ICA1L: variants seen among roughly 807,000 people sequenced by gnomAD.
ICA1L encodes islet cell autoantigen 1-like protein.
In ICA1L, 50 loss-of-function variants were observed where a neutral mutation model predicts 61.3. That is an observed-to-expected ratio of 0.82 (90% CI 0.65 to 1.03). The LOEUF (loss-of-function observed/expected upper bound fraction) is 1.03, where lower values mean the gene tolerates loss of function less well. Ranked by LOEUF, ICA1L falls within the 50% of genes least tolerant of loss-of-function variation. ICA1L has a pLI of 0.00. For synonymous variants in ICA1L, 161 were observed against 191.3 expected, an observed-to-expected ratio of 0.84 and a Z score of 1.31; for missense variants, 508 against 556.7, an observed-to-expected ratio of 0.91 and a Z score of 0.88.
At chr2:202,796,711 C>T (rs997189422) in intron 10 of ICA1L, among the ~76,000 whole-genome samples, 179 bp downstream of exon 10, 5 of 152,110 alleles carry the variant, frequency 3.3e-5, no homozygotes, top group Non-Finnish European at 5.9e-5. Flanking sequence ...TCTGATAGGA[C>T]CCAAACATAT....
intron 2 of ICA1L, among the ~76,000 whole-genome samples, chr2:202,826,484 T>A (rs1345666725): frequency 6.6e-6 from 1 of 152,172 alleles, no homozygotes; most frequent in Non-Finnish European, 1.5e-5. Flanking sequence ...ATGAGGACTT[T>A]TTTTTGAGAT....
chr2:202,835,214 CCTTT>C (rs978560977), intron 1 of ICA1L, among the ~76,000 whole-genome samples: 5 of 127,180 alleles, frequency 3.9e-5, no homozygotes, highest in African/African-American at 8.3e-5. Context: ...TTGATTTCTT[CCTTT>C]TTTTTTTTTT....
At chr2:202,801,580 A>G (rs1260296911) in intron 9 of ICA1L, among the ~76,000 whole-genome samples, 1 of 152,230 alleles carries the variant, frequency 6.6e-6, no homozygotes, top group Admixed American at 6.5e-5. Context: ...AAATCTATAA[A>G]ATACACTTTT....
At chr2:202,789,504 T>A (rs1192593494) in intron 10 of ICA1L, among the ~76,000 whole-genome samples, 2 of 152,132 alleles carry the variant, frequency 1.3e-5, no homozygotes, top group Non-Finnish European at 2.9e-5. Context: ...ACCCTGGTAA[T>A]AGAAACATTC....
At chr2:202,797,112 C>A in intron 9 of ICA1L, 148 bp from the exon 10 acceptor site, 1 of 453,020 alleles carries the variant, frequency 2.2e-6, no homozygotes. Flanking sequence ...TTTAAATAAT[C>A]TTATATATAA....
intron 1 of ICA1L, among the ~76,000 whole-genome samples, chr2:202,837,447 C>G (rs1010544649): frequency 1.3e-5 from 2 of 151,650 alleles, no homozygotes; most frequent in Non-Finnish European, 2.9e-5. Context: ...CCACACCCAG[C>G]TAATTTTTTG....
At chr2:202,802,968 A>ATT (rs2105835738) in intron 9 of ICA1L, among the ~76,000 whole-genome samples, 1 of 152,314 alleles carries the variant, frequency 6.6e-6, no homozygotes, top group African/African-American at 2.4e-5. Flanking sequence ...GACAAAACAA[A>ATT]TGGAAAACAG....
At chr2:202,781,856 C>G (rs948600494) in intron 12 of ICA1L, among the ~76,000 whole-genome samples, 2 of 152,100 alleles carry the variant, frequency 1.3e-5, no homozygotes, top group Non-Finnish European at 2.9e-5. Flanking sequence ...AGTGGTATTA[C>G]CAATTTACAC....
chr2:202,866,442 A>T (rs755869315), intron 1 of ICA1L, among the ~76,000 whole-genome samples: 47 of 152,288 alleles, frequency 3.1e-4, no homozygotes, highest in Admixed American at 9.8e-4. Context: ...TTTCTTTATA[A>T]ATTACGCAGT....
intron 10 of ICA1L, among the ~76,000 whole-genome samples, chr2:202,789,388 A>G (rs1042391152): frequency 6.6e-6 from 1 of 152,238 alleles, no homozygotes; most frequent in Non-Finnish European, 1.5e-5. Context: ...AATTAATAAT[A>G]CGAGACTTTA....
At chr2:202,807,621 T>C (rs1221702656) in intron 9 of ICA1L, among the ~76,000 whole-genome samples, 2 of 152,034 alleles carry the variant, frequency 1.3e-5, no homozygotes, top group Non-Finnish European at 2.9e-5. Context: ...TGTGACCTAG[T>C]GAGATACCAG....
chr2:202,819,054 A>C (rs182616906), intron 5 of ICA1L, among the ~76,000 whole-genome samples: 14 of 152,348 alleles, frequency 9.2e-5, no homozygotes, highest in African/African-American at 3.4e-4. Flanking sequence ...CACCTACTTC[A>C]TAGGGCTGTT....
chr2:202,818,439 C>A (rs1037609276), intron 5 of ICA1L, among the ~76,000 whole-genome samples: 12 of 152,144 alleles, frequency 7.9e-5, no homozygotes, highest in Non-Finnish European at 1.3e-4. Flanking sequence ...GAAGCAAGTA[C>A]AACGTGGTTG....
intron 3 of ICA1L, chr2:202,825,334 G>C: frequency 5.4e-6 from 1 of 183,834 alleles, no homozygotes; most frequent in Admixed American, 5.7e-5. Flanking sequence ...TCCAGGTATG[G>C]TGGCACACGC....
At position 202,776,623 on chromosome 2, in the gene ICA1L, A is replaced by C. The variant is rs1172756930; in HGVS notation, c.*2910T>G. On this transcript the variant is annotated 3_prime_UTR_variant, in exon 13 of 13. Transcript: ENST00000358299. ...AAAAACTGCTGAGCTTCAAATAACTAATCTTGAGAAAATACGAATGTGGTT... is the reference window on the plus strand; with the variant it reads ...AAAAACTGCTGAGCTTCAAATAACTCATCTTGAGAAAATACGAATGTGGTT... 2 of 152,222 alleles carry C rather than the reference A, an allele frequency of 1.3e-5. No homozygotes were observed. The highest frequency in any genetic ancestry group is 4.8e-5 in the African/African-American group (2 of 41,456). 9.4% of individuals were successfully genotyped at this position (152,222 alleles called of 1,614,324 possible).
intron 10 of ICA1L, among the ~76,000 whole-genome samples, chr2:202,796,685 G>A (rs537333729): frequency 7.9e-5 from 12 of 152,254 alleles, no homozygotes; most frequent in African/African-American, 2.9e-4. Context: ...TAGCTGTCCT[G>A]GTTATACGGA....
intron 9 of ICA1L, among the ~76,000 whole-genome samples, chr2:202,803,931 G>A (rs1418158860): frequency 6.6e-6 from 1 of 152,090 alleles, no homozygotes; most frequent in Non-Finnish European, 1.5e-5. Flanking sequence ...CCTGTAGAAA[G>A]TAAAAAGTTT....
chr2:202,814,642 T>C (rs2105846071), intron 8 of ICA1L, 60 bp downstream of exon 8: 3 of 1,067,826 alleles, frequency 2.8e-6, no homozygotes, highest in South Asian at 2.7e-5. Flanking sequence ...TTTCCACATA[T>C]ATCATATGAT....
In ICA1L at chr2:202,779,313, T is replaced by TAATA. The variant is rs1378737557; in HGVS notation, c.*216_*219dup. ...CTAATATTTTCCACATAGAAGTTTC[T>TAATA]AATATTTTCCACATAGTACCAACAG... is the stretch of plus-strand genomic sequence containing the variant. On this transcript the variant is annotated 3_prime_UTR_variant, in exon 13 of 13. Transcript: ENST00000358299. The TAATA allele has an allele frequency of 4.9e-6, 2 of 405,506 alleles. No homozygotes were observed. Among genetic ancestry groups the TAATA allele is most frequent in the Non-Finnish European group, 8.7e-6 (2 of 230,450 alleles). 25.1% of individuals were successfully genotyped at this position (405,506 alleles called of 1,614,324 possible).
Sources: allele counts gnomAD v4.1 joint callset (sites outside exome capture counted in the v4.1 genomes callset), GRCh38; gene constraint gnomAD v4.1.1; transcripts MANE v1.5; gene names NCBI Gene and HGNC (gene_info 2026-07-23, HGNC 2026-07-21).